Variants in DCDC1 observed in about 807,000 individuals in gnomAD.
DCDC1 encodes the protein doublecortin domain-containing protein 1.
In DCDC1, 200 loss-of-function variants were observed where a neutral mutation model predicts 178.3. That is an observed-to-expected ratio of 1.12 (90% CI 1.00 to 1.26). The LOEUF is 1.26. Among genes scored for constraint, DCDC1 ranks in the 50% most tolerant of loss-of-function variants. DCDC1 has a pLI of 0.00. For synonymous variants in DCDC1, 690 were observed against 604.8 expected, an observed-to-expected ratio of 1.14 and a Z score of -2.07; for missense variants, 1,983 against 1,749.2, an observed-to-expected ratio of 1.13 and a Z score of -2.38.
chr11:31,303,088 A>G (rs941130245), intron 6 of DCDC1, among the ~76,000 whole-genome samples: 6 of 152,202 alleles, frequency 3.9e-5, no homozygotes, highest in African/African-American at 9.6e-5. Context: ...TAGGTACTCA[A>G]TAAAAATGTG....
At chr11:31,187,543 T>A (rs1315506334) in intron 9 of DCDC1, among the ~76,000 whole-genome samples, 1 of 152,218 alleles carries the variant, frequency 6.6e-6, no homozygotes, top group Non-Finnish European at 1.5e-5. Flanking sequence ...ATAAAAATGA[T>A]TCTTTAAGGT....
chr11:31,157,156 A>G (rs1965789844), intron 9 of DCDC1, among the ~76,000 whole-genome samples: 1 of 151,614 alleles, frequency 6.6e-6, no homozygotes, highest in East Asian at 1.9e-4. Context: ...AGCTGGGAGG[A>G]TCGCTTAAAG....
At chr11:30,920,592 G>T (rs778910567) in intron 25 of DCDC1, among the ~76,000 whole-genome samples, 184 bp downstream of exon 25, 1 of 152,168 alleles carries the variant, frequency 6.6e-6, no homozygotes, top group Non-Finnish European at 1.5e-5. Context: ...CACTGTGATG[G>T]TTGAACATCG....
intron 20 of DCDC1, among the ~76,000 whole-genome samples, chr11:30,993,918 G>T (rs1003405371): frequency 6.6e-5 from 10 of 152,078 alleles, no homozygotes; most frequent in Non-Finnish European, 1.2e-4. Flanking sequence ...CCAGAACATA[G>T]AAGAGGAGAG....
chr11:31,361,051 T>C (rs1457758369), intron 1 of DCDC1, among the ~76,000 whole-genome samples: 1 of 152,214 alleles, frequency 6.6e-6, no homozygotes, highest in Non-Finnish European at 1.5e-5. Flanking sequence ...ACCTAACTTT[T>C]CCCTCAGTAA....
At chr11:31,239,699 A>G (rs1385330557) in intron 9 of DCDC1, among the ~76,000 whole-genome samples, 1 of 151,936 alleles carries the variant, frequency 6.6e-6, no homozygotes, top group African/African-American at 2.4e-5. Flanking sequence ...AATTTCATAT[A>G]ATGTTGAAAT....
At chr11:31,172,377 C>A (rs891607422) in intron 9 of DCDC1, among the ~76,000 whole-genome samples, 6 of 151,832 alleles carry the variant, frequency 4.0e-5, no homozygotes, top group Admixed American at 2.6e-4. Flanking sequence ...TCTGAAAAAG[C>A]CATTTATTTT....
intron 20 of DCDC1, among the ~76,000 whole-genome samples, chr11:31,009,445 T>G (rs1037511131): frequency 2.7e-5 from 4 of 150,466 alleles, no homozygotes; most frequent in Non-Finnish European, 4.4e-5. Flanking sequence ...TCTTTGTGTG[T>G]GTGTGTGTGT....
chr11:31,092,380 G>GA (rs975426806), intron 16 of DCDC1, among the ~76,000 whole-genome samples: 6 of 152,208 alleles, frequency 3.9e-5, no homozygotes, highest in African/African-American at 7.2e-5. Context: ...TGTCTATACA[G>GA]AAAAAAGAAC....
intron 12 of DCDC1, among the ~76,000 whole-genome samples, chr11:31,108,886 A>T (rs944533340): frequency 6.6e-6 from 1 of 152,156 alleles, no homozygotes; most frequent in Non-Finnish European, 1.5e-5. Flanking sequence ...TAGCATAAGA[A>T]TTTGTTCAAG....
At chr11:30,938,407 C>T (rs1183567987) in intron 21 of DCDC1, among the ~76,000 whole-genome samples, 2 of 152,202 alleles carry the variant, frequency 1.3e-5, no homozygotes, top group African/African-American at 4.8e-5. Flanking sequence ...GCAGCCAGCT[C>T]TCACACACAG....
At chr11:31,238,181 T>C (rs1976677259) in intron 9 of DCDC1, among the ~76,000 whole-genome samples, 1 of 152,084 alleles carries the variant, frequency 6.6e-6, no homozygotes, top group Non-Finnish European at 1.5e-5. Flanking sequence ...GAAGACATTT[T>C]CAGAAATGAG....
intron 9 of DCDC1, among the ~76,000 whole-genome samples, chr11:31,178,390 G>T (rs1968352752): frequency 6.6e-6 from 1 of 152,072 alleles, no homozygotes; most frequent in Non-Finnish European, 1.5e-5. Flanking sequence ...ACTCAAAATG[G>T]ATTAAAAACA....
intron 9 of DCDC1, among the ~76,000 whole-genome samples, chr11:31,212,254 T>G (rs1000808533): frequency 1.3e-5 from 2 of 151,970 alleles, no homozygotes; most frequent in Non-Finnish European, 2.9e-5. Context: ...ATAAATATAC[T>G]AGAGGAAAAA....
intron 20 of DCDC1, among the ~76,000 whole-genome samples, chr11:31,006,570 T>C (rs1951857454): frequency 6.6e-6 from 1 of 152,210 alleles, no homozygotes; most frequent in Non-Finnish European, 1.5e-5. Context: ...AAATGTTGCT[T>C]AACCGCTCCA....
chr11:31,006,457 A>G (rs952925699), intron 20 of DCDC1, among the ~76,000 whole-genome samples: 2 of 152,166 alleles, frequency 1.3e-5, no homozygotes, highest in African/African-American at 2.4e-5. Context: ...ACCAAGTATC[A>G]GCTCATGGTC....
intron 20 of DCDC1, among the ~76,000 whole-genome samples, chr11:30,961,221 G>T (rs1949075974): frequency 6.6e-6 from 1 of 151,998 alleles, no homozygotes; most frequent in Non-Finnish European, 1.5e-5. Context: ...GTAACAAAAA[G>T]ATACTATTTA....
intron 9 of DCDC1, among the ~76,000 whole-genome samples, chr11:31,224,872 T>C (rs1431710923): frequency 1.3e-5 from 2 of 152,052 alleles, no homozygotes; most frequent in Non-Finnish European, 2.9e-5. Flanking sequence ...GATGTTAGCA[T>C]GGATGTGGCA....
intron 20 of DCDC1, among the ~76,000 whole-genome samples, chr11:31,007,835 G>T (rs1447944471): frequency 6.6e-6 from 1 of 151,892 alleles, no homozygotes; most frequent in African/African-American, 2.4e-5. Flanking sequence ...GCTAATTTTT[G>T]TATTTTTAGT....
Sources: gnomAD v4.1 joint callset for allele counts (sites outside exome capture counted in the v4.1 genomes callset) on GRCh38, gnomAD v4.1.1 for gene constraint, MANE v1.5 for transcripts, NCBI Gene and HGNC (gene_info 2026-07-23, HGNC 2026-07-21) for gene names.